RIMS2: variants seen among roughly 807,000 people sequenced by gnomAD.
RIMS2 encodes regulating synaptic membrane exocytosis 2.
Under a neutral mutation model 174.4 loss-of-function variants are expected in RIMS2, and 59 were observed. That is an observed-to-expected ratio of 0.34 (90% CI 0.27 to 0.42). The LOEUF is 0.42. Ranked by LOEUF, RIMS2 falls within the 10% of genes least tolerant of loss-of-function variation. The pLI, the probability that RIMS2 is intolerant of heterozygous loss-of-function variation, is 1.00. For missense variants in RIMS2, 1,620 were observed against 1,666.3 expected (o/e 0.97, Z 0.48); for synonymous variants, 606 against 572.5 (o/e 1.06, Z -0.84).
chr8:103,866,313 A>G (rs947682404), intron 3 of RIMS2, among the ~76,000 whole-genome samples: 5 of 152,126 alleles, frequency 3.3e-5, no homozygotes, highest in Admixed American at 6.6e-5. Flanking sequence ...CTTAGATTTT[A>G]TTAACACAAT....
chr8:104,223,487 C>T lies in RIMS2; in HGVS notation c.3335-21429C>T. ...GAGGTCCCGGCGGCCAGGAAAGCCA[C>T]GTCTCCTCCGGGCTGGGTCAGGGAG... On this transcript the variant is annotated intron_variant, in intron 19 of 23. Coordinates refer to ENST00000504942, the Ensembl canonical transcript of RIMS2. 2.2e-6 allele frequency: 3 copies of T among 1,379,892 alleles called. No homozygotes were observed. In the South Asian group the frequency reaches 5.2e-5, roughly 24 times the overall value. The allele number at this position is 1,379,892 out of a possible 1,614,324, so 85.5% of individuals were successfully genotyped here.
intron 19 of RIMS2, among the ~76,000 whole-genome samples, chr8:104,097,343 T>C (rs1257286605): frequency 6.6e-6 from 1 of 152,124 alleles, no homozygotes; most frequent in Non-Finnish European, 1.5e-5. Context: ...TGAAACAAAG[T>C]TTGTCTGCAT....
At chr8:104,095,858 A>G (rs142906945) in intron 19 of RIMS2, among the ~76,000 whole-genome samples, 23 of 152,004 alleles carry the variant, frequency 1.5e-4, no homozygotes, top group African/African-American at 5.1e-4. Flanking sequence ...TCGGGATAGA[A>G]CTCTACCCAT....
intron 19 of RIMS2, among the ~76,000 whole-genome samples, chr8:104,215,556 T>C (rs2099126188): frequency 6.6e-6 from 1 of 152,238 alleles, no homozygotes; most frequent in South Asian, 2.1e-4. Flanking sequence ...GTAGAATGTT[T>C]ACACTCACAA....
At chr8:104,050,665 AGT>A (rs1303869967) in intron 19 of RIMS2, among the ~76,000 whole-genome samples, 1 of 152,202 alleles carries the variant, frequency 6.6e-6, no homozygotes, top group Non-Finnish European at 1.5e-5. Context: ...AGGATAAGGG[AGT>A]TTTCAAACTT....
At chr8:103,958,815 A>G (rs543295182) in intron 14 of RIMS2, among the ~76,000 whole-genome samples, 6 of 152,318 alleles carry the variant, frequency 3.9e-5, no homozygotes, top group African/African-American at 1.4e-4. Flanking sequence ...TTGTAAGACA[A>G]TGGTTGAGGA....
At chr8:103,528,009 A>C (rs535418838) in intron 1 of RIMS2, among the ~76,000 whole-genome samples, 2 of 152,328 alleles carry the variant, frequency 1.3e-5, no homozygotes, top group East Asian at 3.9e-4. Flanking sequence ...TCCCACCAAC[A>C]GTGTAAAAGT....
intron 1 of RIMS2, among the ~76,000 whole-genome samples, chr8:103,567,274 C>T (rs2092436462): frequency 2.0e-5 from 3 of 152,150 alleles, no homozygotes; most frequent in Admixed American, 1.3e-4. Context: ...ATATTTTCAT[C>T]ACCCCAAAAG....
intron 19 of RIMS2, among the ~76,000 whole-genome samples, chr8:104,187,770 A>G (rs1000937509): frequency 6.6e-6 from 1 of 151,810 alleles, no homozygotes; most frequent in Non-Finnish European, 1.5e-5. Flanking sequence ...ATGAGATTCT[A>G]TAGTGGTAAG....
intron 19 of RIMS2, among the ~76,000 whole-genome samples, chr8:104,241,985 C>T (rs2099301308): frequency 6.6e-6 from 1 of 152,102 alleles, no homozygotes; most frequent in Non-Finnish European, 1.5e-5. Context: ...ATCTCAAACT[C>T]CTGGCCTCAA....
chr8:103,687,254 A>C (rs2096952378), intron 1 of RIMS2, among the ~76,000 whole-genome samples: 1 of 152,182 alleles, frequency 6.6e-6, no homozygotes, highest in East Asian at 1.9e-4. Flanking sequence ...GTAGTCTTTT[A>C]AATTAATTTA....
At chr8:104,138,943 A>G (rs1452758581) in intron 19 of RIMS2, among the ~76,000 whole-genome samples, 1 of 152,178 alleles carries the variant, frequency 6.6e-6, no homozygotes, top group Non-Finnish European at 1.5e-5. Flanking sequence ...TGATTTTTGT[A>G]TATGGCAAGA....
chr8:104,132,831 A>G (rs942421293), intron 19 of RIMS2, among the ~76,000 whole-genome samples: 2 of 152,190 alleles, frequency 1.3e-5, no homozygotes, highest in Non-Finnish European at 2.9e-5. Context: ...GTATTATGTA[A>G]GTCTCTGCCA....
intron 1 of RIMS2, among the ~76,000 whole-genome samples, chr8:103,616,272 A>G (rs942935129): frequency 2.6e-5 from 4 of 152,178 alleles, no homozygotes; most frequent in East Asian, 1.9e-4. Flanking sequence ...AAAAAAACAC[A>G]TGATTGTCTC....
rs1050554481 is a variant in RIMS2, at chr8:104,130,803, G to A, written c.3335-114113G>A. 3.2e-4 allele frequency among the ~76,000 whole-genome samples: 49 copies of A among 152,098 alleles called. 1 individual carries two copies. Among genetic ancestry groups the A allele is most frequent in the Admixed American group, 3.0e-3 (46 of 15,254 alleles). ...ACAGAGGAACTCTTATTCAAGCAGA[G>A]ACTTAGTAAACCAAGTGGCCATGTG... On this transcript the variant is annotated intron_variant, in intron 19 of 23. Coordinates refer to ENST00000504942, the Ensembl canonical transcript of RIMS2.
chr8:103,977,253 G>A (rs1404055756), intron 16 of RIMS2: 1 of 152,078 alleles, frequency 6.6e-6, no homozygotes, highest in Non-Finnish European at 1.5e-5. Context: ...TGACAAACAT[G>A]GTTTAAAGTG....
chr8:103,680,569 G>A (rs2136674324), intron 1 of RIMS2, among the ~76,000 whole-genome samples: 1 of 152,022 alleles, frequency 6.6e-6, no homozygotes, highest in South Asian at 2.1e-4. Flanking sequence ...CAAAATTAAA[G>A]ATTTCTGTTT....
rs868850771 is a variant in RIMS2 at position 103,785,576 on chromosome 8, T to A, written c.698+19039T>A. Among the ~76,000 whole-genome samples the A allele has an allele frequency of 1.4e-3, 210 of 152,260 alleles. 1 individual carries two copies. The Middle Eastern group carries it at 0.024, about 17-fold the overall frequency. Reference sequence around the variant, plus strand: ...TGTTTATATGCTGGATTACATTTATTGATTTGTGTATATTGAGCCAGCCTT... The same window carrying A: ...TGTTTATATGCTGGATTACATTTATAGATTTGTGTATATTGAGCCAGCCTT... On this transcript the variant is annotated intron_variant, in intron 3 of 23. Transcript: ENST00000504942.
intron 19 of RIMS2, among the ~76,000 whole-genome samples, chr8:104,232,271 G>T (rs2099234655): frequency 6.6e-6 from 1 of 152,212 alleles, no homozygotes; most frequent in Admixed American, 6.5e-5. Context: ...CTGATTAGGT[G>T]ATTGTTTGCA....
Sources: gnomAD v4.1 joint callset for allele counts (sites outside exome capture counted in the v4.1 genomes callset) on GRCh38, gnomAD v4.1.1 for gene constraint, MANE v1.5 for transcripts, NCBI Gene and HGNC (gene_info 2026-07-23, HGNC 2026-07-21) for gene names.